IQCM: variants seen among roughly 807,000 people sequenced by gnomAD.
IQCM encodes the protein IQ motif containing M, also known as IQ domain-containing protein M.
A neutral mutation model predicts 57.6 loss-of-function variants in IQCM; 45 were observed. That is an observed-to-expected ratio of 0.78 (90% confidence interval 0.62 to 1.00). The LOEUF is 1.00. IQCM is among the 50% of genes least tolerant of loss of function. The probability of loss-of-function intolerance (pLI) is 0.00; values close to 1 mark genes in which losing one functional copy is unlikely to be tolerated. For synonymous variants in IQCM, 148 were observed against 158.9 expected (o/e 0.93, Z 0.51); for missense variants, 468 against 511.6 (o/e 0.91, Z 0.82).
At chr4:149,771,118 G>T (rs1189365347) in intron 2 of IQCM, among the ~76,000 whole-genome samples, 1 of 151,972 alleles carries the variant, frequency 6.6e-6, no homozygotes, top group East Asian at 1.9e-4. Flanking sequence ...TTTATTAGCA[G>T]TTATATATTT....
At chr4:149,416,502 C>G (rs1257760353) in intron 13 of IQCM, among the ~76,000 whole-genome samples, 1 of 151,892 alleles carries the variant, frequency 6.6e-6, no homozygotes, top group Non-Finnish European at 1.5e-5. Context: ...CCTGAGTAGC[C>G]TGAAAAACAG....
chr4:149,616,221 A>G (rs1478200104), intron 8 of IQCM, among the ~76,000 whole-genome samples: 1 of 152,194 alleles, frequency 6.6e-6, no homozygotes. Flanking sequence ...GGGAGAATGG[A>G]TAAACAAAAT....
intron 12 of IQCM, among the ~76,000 whole-genome samples, chr4:149,527,249 T>C (rs1196537352): frequency 2.0e-5 from 3 of 152,240 alleles, no homozygotes; most frequent in Non-Finnish European, 4.4e-5. Context: ...CTACTATTTA[T>C]GAACCTGAAG....
At chr4:149,581,470 A>G (rs1752176445) in intron 9 of IQCM, among the ~76,000 whole-genome samples, 1 of 151,700 alleles carries the variant, frequency 6.6e-6, no homozygotes, top group Admixed American at 6.6e-5. Context: ...TTCTTGTATA[A>G]TAGGTGAAGA....
chr4:149,698,837 C>T (rs1474332398), intron 5 of IQCM, among the ~76,000 whole-genome samples: 1 of 152,072 alleles, frequency 6.6e-6, no homozygotes, highest in South Asian at 2.1e-4. Flanking sequence ...AATTTATCAC[C>T]GGTATGACCC....
chr4:149,416,632 C>A (rs1409329563), intron 13 of IQCM, among the ~76,000 whole-genome samples: 1 of 151,998 alleles, frequency 6.6e-6, no homozygotes. Flanking sequence ...CACCTGTAAA[C>A]ATAGGTGGCC....
chr4:149,523,990 C>T (rs553184107), intron 12 of IQCM, among the ~76,000 whole-genome samples: 1 of 151,894 alleles, frequency 6.6e-6, no homozygotes, highest in Admixed American at 6.6e-5. Context: ...ATAACCCTAA[C>T]CAGGAAATAT....
At chr4:149,485,917 A>C (rs147093062) in intron 12 of IQCM, among the ~76,000 whole-genome samples, 1 of 152,046 alleles carries the variant, frequency 6.6e-6, no homozygotes, top group Non-Finnish European at 1.5e-5. Flanking sequence ...TACTCATAGA[A>C]GTATCACCTT....
intron 13 of IQCM, among the ~76,000 whole-genome samples, chr4:149,409,754 A>G (rs549102399): frequency 6.6e-6 from 1 of 152,242 alleles, no homozygotes; most frequent in Admixed American, 6.5e-5. Flanking sequence ...CTCCCTCTCT[A>G]AAAGCAGCAA....
intron 12 of IQCM, among the ~76,000 whole-genome samples, chr4:149,522,712 T>G (rs1745777158): frequency 6.6e-6 from 1 of 152,054 alleles, no homozygotes; most frequent in Non-Finnish European, 1.5e-5. Context: ...ATTGAGGTTT[T>G]ATAAGAAAAA....
chr4:149,472,224 A>G (rs768654749), intron 12 of IQCM, among the ~76,000 whole-genome samples: 1 of 152,216 alleles, frequency 6.6e-6, no homozygotes, highest in Non-Finnish European at 1.5e-5. Flanking sequence ...AGAAAACCCC[A>G]TCATCTCAGC....
At chr4:149,678,096 C>A (rs1032499306) in intron 7 of IQCM, among the ~76,000 whole-genome samples, 1 of 151,598 alleles carries the variant, frequency 6.6e-6, no homozygotes, top group Non-Finnish European at 1.5e-5. Context: ...TCAGCAAGAG[C>A]AAAGGGTAGA....
At chr4:149,512,264 G>T (rs1011772332) in intron 12 of IQCM, among the ~76,000 whole-genome samples, 45 of 152,108 alleles carry the variant, frequency 3.0e-4, no homozygotes. Flanking sequence ...AGGGGTTGGG[G>T]GGGCAGTGTG....
At chr4:149,368,767 T>TAC (rs1730027686) in intron 13 of IQCM, among the ~76,000 whole-genome samples, 1 of 118,904 alleles carries the variant, frequency 8.4e-6, no homozygotes, top group Non-Finnish European at 1.8e-5. Context: ...TATATATATA[T>TAC]ATACATATAT....
intron 12 of IQCM, among the ~76,000 whole-genome samples, chr4:149,453,450 A>G (rs1244603258): frequency 1.3e-5 from 2 of 152,038 alleles, no homozygotes. Context: ...ATAGACTAGA[A>G]GAAAATATCT....
chr4:149,354,251 C>T (rs1002111146), intron 13 of IQCM, among the ~76,000 whole-genome samples: 1 of 145,184 alleles, frequency 6.9e-6, no homozygotes, highest in African/African-American at 2.5e-5. Context: ...GTAGTCCCAG[C>T]TACTTGGGAG....
intron 2 of IQCM, among the ~76,000 whole-genome samples, chr4:149,772,069 C>A (rs1293293358): frequency 6.6e-6 from 1 of 152,122 alleles, no homozygotes; most frequent in Non-Finnish European, 1.5e-5. Context: ...AGAGGTAACT[C>A]TGAGCCTCAG....
chr4:149,705,071 T>C (rs1399916390), intron 5 of IQCM, among the ~76,000 whole-genome samples: 2 of 151,136 alleles, frequency 1.3e-5, no homozygotes, highest in Non-Finnish European at 3.0e-5. Flanking sequence ...GCAAACAGCA[T>C]ATGGTGGGAC....
chr4:149,599,058 T>C (rs1754032015), intron 8 of IQCM, among the ~76,000 whole-genome samples: 1 of 152,148 alleles, frequency 6.6e-6, no homozygotes, highest in Non-Finnish European at 1.5e-5. Context: ...TTCATATTGA[T>C]GTTAGGAGTG....
Sources: allele counts gnomAD v4.1 joint callset (sites outside exome capture counted in the v4.1 genomes callset), GRCh38; gene constraint gnomAD v4.1.1; transcripts MANE v1.5; gene names NCBI Gene and HGNC (gene_info 2026-07-23, HGNC 2026-07-21).